PTN: variants seen among roughly 807,000 people sequenced by gnomAD.
The protein encoded by PTN is pleiotrophin, also known as heparin affin regulatory protein.
Under a neutral mutation model 24.1 loss-of-function variants are expected in PTN, and 18 were observed. The ratio of observed to expected loss-of-function variants is 0.75; its 90% confidence interval spans 0.52 to 1.11. The LOEUF is 1.11. Ranked by LOEUF, PTN falls within the 50% of genes least tolerant of loss-of-function variation. The pLI, the probability that PTN is intolerant of heterozygous loss-of-function variation, is 0.00. For synonymous variants in PTN, 78 were observed against 68.6 expected (o/e 1.14, Z -0.67); for missense variants, 163 against 198.8 (o/e 0.82, Z 1.08).
intron 4 of PTN, among the ~76,000 whole-genome samples, chr7:137,238,151 G>C (rs1263298254): frequency 6.6e-6 from 1 of 152,130 alleles, no homozygotes; most frequent in East Asian, 1.9e-4. Context: ...TTTCCCTGTA[G>C]GTTTGCATCA....
chr7:137,239,506 C>T (rs372437178), intron 4 of PTN, among the ~76,000 whole-genome samples: 2 of 151,944 alleles, frequency 1.3e-5, no homozygotes, highest in Non-Finnish European at 2.9e-5. Flanking sequence ...CCCACTAACT[C>T]GTCATCTAGC....
intron 1 of PTN, among the ~76,000 whole-genome samples, chr7:137,312,160 G>T (rs1402655149): frequency 6.6e-6 from 1 of 152,176 alleles, no homozygotes; most frequent in African/African-American, 2.4e-5. Context: ...TAAAGGACAA[G>T]ATATTAATTG....
intron 1 of PTN, among the ~76,000 whole-genome samples, chr7:137,319,315 C>T (rs905657404): frequency 3.4e-4 from 52 of 152,152 alleles, no homozygotes; most frequent in African/African-American, 1.2e-3. Flanking sequence ...TATCAGTCTC[C>T]GGCTTGGTAA....
At chr7:137,252,773 G>C (rs1289767217) in intron 3 of PTN, among the ~76,000 whole-genome samples, 1 of 151,814 alleles carries the variant, frequency 6.6e-6, no homozygotes, top group Non-Finnish European at 1.5e-5. Flanking sequence ...GGTTATTTGA[G>C]GGTTCAATAC....
intron 1 of PTN, among the ~76,000 whole-genome samples, chr7:137,293,061 A>G (rs1563214672): frequency 1.3e-5 from 2 of 152,158 alleles, no homozygotes; most frequent in African/African-American, 2.4e-5. Context: ...CATAGTTGCC[A>G]TCTCATGACA....
At chr7:137,282,646 T>C (rs1809491258) in intron 1 of PTN, among the ~76,000 whole-genome samples, 2 of 152,148 alleles carry the variant, frequency 1.3e-5, no homozygotes, top group South Asian at 2.1e-4. Context: ...ATTAATAATG[T>C]GATTAAAAAT....
rs1810567291 is a variant in PTN at position 137,343,444 on chromosome 7, G to A, written c.-7C>T. 2 of 516,022 alleles carry A rather than the reference G, an allele frequency of 3.9e-6. No homozygotes were observed. Among genetic ancestry groups the A allele is most frequent in the Admixed American group, 1.9e-5 (1 of 51,312 alleles). The allele number at this position is 516,022 out of a possible 1,614,324, so 32.0% of individuals were successfully genotyped here. On this transcript the variant is annotated 5_prime_UTR_variant, in exon 1 of 5. Coordinates refer to ENST00000348225, the MANE Select transcript of PTN (RefSeq NM_002825.7). ...CGTACGTTCCTCTCACTTACTTTGA[G>A]TTGGAAACGTCCTCTCTGGCGCTCA...
At chr7:137,285,441 G>A (rs894574327) in intron 1 of PTN, among the ~76,000 whole-genome samples, 13 of 152,194 alleles carry the variant, frequency 8.5e-5, no homozygotes, top group East Asian at 1.9e-4. Flanking sequence ...CAAGGTGGGC[G>A]GATCACCTGA....
At chr7:137,297,616 C>A (rs2128878054) in intron 1 of PTN, among the ~76,000 whole-genome samples, 1 of 152,072 alleles carries the variant, frequency 6.6e-6, no homozygotes. Context: ...GGAACAACCT[C>A]TAAATACACA....
Position 137,253,453 on chromosome 7 carries a change from A to G in PTN, c.289+11T>C. On this transcript the variant is annotated intron_variant, in intron 3 of 4. Transcript: ENST00000348225. ...CAGAGTAGGAGATTAACTCAGTAGC[A>G]TGAGGCTTACCGCCAAATTGCTTCT... is the stretch of plus-strand genomic sequence containing the variant. 1 of 1,597,686 alleles carries G rather than the reference A, an allele frequency of 6.3e-7. No homozygotes were observed. Among genetic ancestry groups the G allele is most frequent in the South Asian group, 1.1e-5 (1 of 89,014 alleles).
chr7:137,303,539 T>C (rs898676422), intron 1 of PTN, among the ~76,000 whole-genome samples: 32 of 151,788 alleles, frequency 2.1e-4, no homozygotes, highest in Non-Finnish European at 4.4e-4. Context: ...TTTTTTCTGT[T>C]CATCATTTAC....
chr7:137,262,597 C>T (rs1261775567), intron 1 of PTN, among the ~76,000 whole-genome samples: 1 of 152,002 alleles, frequency 6.6e-6, no homozygotes, highest in African/African-American at 2.4e-5. Context: ...CATCAGCAGC[C>T]TAGCGTCTTA....
chr7:137,312,978 C>G (rs1810008313), intron 1 of PTN, among the ~76,000 whole-genome samples: 1 of 152,092 alleles, frequency 6.6e-6, no homozygotes, highest in Non-Finnish European at 1.5e-5. Flanking sequence ...TTTATGTACT[C>G]TGCCAGGTGT....
intron 1 of PTN, among the ~76,000 whole-genome samples, chr7:137,332,949 GT>G (rs1562973734): frequency 6.6e-6 from 1 of 152,166 alleles, no homozygotes; most frequent in African/African-American, 2.4e-5. Flanking sequence ...GTTTTACATG[GT>G]TTCTGCTATA....
At chr7:137,271,294 A>G (rs1055850126) in intron 1 of PTN, among the ~76,000 whole-genome samples, 14 of 152,332 alleles carry the variant, frequency 9.2e-5, no homozygotes, top group Non-Finnish European at 1.8e-4. Context: ...TTTAAACATG[A>G]TATCACAAAG....
intron 1 of PTN, chr7:137,318,595 T>C (rs1362211537): frequency 2.6e-5 from 4 of 152,234 alleles, no homozygotes; most frequent in Admixed American, 6.5e-5. Flanking sequence ...AGTAAATGTG[T>C]ATGCTGCGAA....
chr7:137,229,988 TCA>T (rs903581989), intron 4 of PTN, among the ~76,000 whole-genome samples: 5 of 151,792 alleles, frequency 3.3e-5, no homozygotes, highest in Non-Finnish European at 5.9e-5. Flanking sequence ...TTTCCCTCTC[TCA>T]GTTTCCTCAT....
chr7:137,336,994 A>T (rs320716), intron 1 of PTN, among the ~76,000 whole-genome samples: 58,791 of 152,080 alleles, frequency 0.39, 11,647 homozygotes, highest in South Asian at 0.47. Flanking sequence ...TTTATACCTC[A>T]GTATTTTGGA....
At chr7:137,326,570 G>C (rs1359714253) in intron 1 of PTN, 1 of 152,112 alleles carries the variant, frequency 6.6e-6, no homozygotes, top group Non-Finnish European at 1.5e-5. Flanking sequence ...TAGTGAAGTG[G>C]GGAGAGATAG....
Sources: allele counts gnomAD v4.1 joint callset (sites outside exome capture counted in the v4.1 genomes callset), GRCh38; gene constraint gnomAD v4.1.1; transcripts MANE v1.5; gene names NCBI Gene and HGNC (gene_info 2026-07-23, HGNC 2026-07-21).